Variants in TCAIM observed in about 807,000 individuals in gnomAD.
The protein encoded by TCAIM is T-cell activation inhibitor, mitochondrial.
Under a neutral mutation model 58.6 loss-of-function variants are expected in TCAIM, and 36 were observed. The ratio of observed to expected loss-of-function variants is 0.61; its 90% CI spans 0.47 to 0.81. The LOEUF (loss-of-function observed/expected upper bound fraction) is 0.81. TCAIM is among the 30% of genes least tolerant of loss of function. The pLI, the probability that TCAIM is intolerant of heterozygous loss-of-function variation, is 0.00. For missense variants in TCAIM, 466 were observed against 579.6 expected (o/e 0.80, Z 2.01); for synonymous variants, 172 against 193.6 (o/e 0.89, Z 0.93).
At chr3:44,366,609 C>T (rs1276523814) in intron 4 of TCAIM, among the ~76,000 whole-genome samples, 2 of 146,728 alleles carry the variant, frequency 1.4e-5, no homozygotes, top group East Asian at 2.1e-4. Flanking sequence ...TACAGGCGCC[C>T]GCCACCACGC....
chr3:44,354,120 A>AT (rs539967655), intron 1 of TCAIM, among the ~76,000 whole-genome samples: 38 of 152,102 alleles, frequency 2.5e-4, no homozygotes, highest in African/African-American at 8.7e-4. Context: ...GTCCAGGTTA[A>AT]TTTTTTCGCA....
intron 10 of TCAIM, among the ~76,000 whole-genome samples, chr3:44,406,978 A>G (rs770547220): frequency 3.0e-4 from 46 of 152,208 alleles, no homozygotes; most frequent in Non-Finnish European, 2.5e-4. Flanking sequence ...GTAGGAGAGT[A>G]AGAGTGAAGA....
chr3:44,396,904 G>GT, intron 8 of TCAIM, 70 bp downstream of exon 8: 1 of 1,424,120 alleles, frequency 7.0e-7, no homozygotes, highest in Non-Finnish European at 9.7e-7. Flanking sequence ...ATGCTGTAAT[G>GT]TTAAGGGACT....
At chr3:44,379,645 C>A in intron 5 of TCAIM, among the ~76,000 whole-genome samples, 1 of 152,226 alleles carries the variant, frequency 6.6e-6, no homozygotes, top group South Asian at 2.1e-4. Flanking sequence ...TACCACATGT[C>A]CTCACTTATA....
intron 1 of TCAIM, among the ~76,000 whole-genome samples, chr3:44,344,807 G>A (rs1189213437): frequency 6.6e-6 from 1 of 152,066 alleles, no homozygotes; most frequent in African/African-American, 2.4e-5. Flanking sequence ...GGTAGGTAGT[G>A]GGGAAGATTA....
intron 5 of TCAIM, among the ~76,000 whole-genome samples, chr3:44,381,484 A>C (rs1200598581): frequency 6.6e-6 from 1 of 152,194 alleles, no homozygotes; most frequent in Non-Finnish European, 1.5e-5. Flanking sequence ...AGGAAACTAC[A>C]TCAACATAAT....
intron 4 of TCAIM, among the ~76,000 whole-genome samples, chr3:44,364,980 C>T (rs1281667040): frequency 6.6e-6 from 1 of 152,086 alleles, no homozygotes; most frequent in Non-Finnish European, 1.5e-5. Context: ...CCTGAGGAAC[C>T]AGTAAAGGAT....
At chr3:44,403,974 G>A (rs766293055) in intron 10 of TCAIM, among the ~76,000 whole-genome samples, 11 of 152,110 alleles carry the variant, frequency 7.2e-5, no homozygotes, top group South Asian at 6.2e-4. Context: ...CCTCTGCCCA[G>A]TGCCCACAGA....
At chr3:44,341,653 AAT>A (rs777867719) in intron 1 of TCAIM, among the ~76,000 whole-genome samples, 9 of 152,198 alleles carry the variant, frequency 5.9e-5, no homozygotes, top group Non-Finnish European at 8.8e-5. Context: ...ATGTTTGAGC[AAT>A]ATGTTATCTG....
At chr3:44,398,689 A>G (rs142270722) in intron 8 of TCAIM, among the ~76,000 whole-genome samples, 29 of 152,338 alleles carry the variant, frequency 1.9e-4, no homozygotes, top group East Asian at 1.7e-3. Context: ...ACCCTTGGGT[A>G]TTTACAGCAG....
At chr3:44,374,175 C>T (rs1318911437) in intron 5 of TCAIM, among the ~76,000 whole-genome samples, 2 of 152,012 alleles carry the variant, frequency 1.3e-5, no homozygotes, top group Admixed American at 1.3e-4. Context: ...TCATATTGTG[C>T]GTTTATTTAC....
intron 1 of TCAIM, among the ~76,000 whole-genome samples, chr3:44,343,117 A>G (rs1163691586): frequency 6.6e-6 from 1 of 151,848 alleles, no homozygotes; most frequent in Non-Finnish European, 1.5e-5. Flanking sequence ...AGCGCAGGTG[A>G]CAGAGCGAGA....
At chr3:44,343,932 C>T (rs1189084301) in intron 1 of TCAIM, among the ~76,000 whole-genome samples, 2 of 151,312 alleles carry the variant, frequency 1.3e-5, no homozygotes, top group Admixed American at 1.3e-4. Context: ...GATTACAAAG[C>T]GATTAGTGGA....
At chr3:44,366,463 GTTTTTTT>G (rs11310204) in intron 4 of TCAIM, among the ~76,000 whole-genome samples, 3 of 83,036 alleles carry the variant, frequency 3.6e-5, no homozygotes, top group East Asian at 8.4e-4. Flanking sequence ...AATTTTTGTT[GTTTTTTT>G]TTTTTTTTTT....
At chr3:44,396,717 C>T (rs970835443) in intron 7 of TCAIM, 26 bp from the exon 8 acceptor site, 1 of 1,608,806 alleles carries the variant, frequency 6.2e-7, no homozygotes. Context: ...TCGACCATGA[C>T]CAAAGGTTTT....
intron 3 of TCAIM, chr3:44,358,712 A>C: frequency 1.0e-6 from 1 of 987,476 alleles, no homozygotes; most frequent in Non-Finnish European, 1.2e-6. Flanking sequence ...TCCCCTATGG[A>C]TACCAAGGGA....
chr3:44,358,660 G>A, intron 3 of TCAIM: 3 of 737,454 alleles, frequency 4.1e-6, no homozygotes, highest in Non-Finnish European at 5.0e-6. Flanking sequence ...AGAGACTTGA[G>A]CATTCGCAGA....
At chr3:44,376,214 A>G (rs1575260536) in intron 5 of TCAIM, among the ~76,000 whole-genome samples, 1 of 152,354 alleles carries the variant, frequency 6.6e-6, no homozygotes, top group East Asian at 1.9e-4. Context: ...AAGTGATGAA[A>G]GTATACTAAA....
intron 8 of TCAIM, among the ~76,000 whole-genome samples, chr3:44,398,804 A>G (rs1701979117): frequency 6.6e-6 from 1 of 152,298 alleles, no homozygotes; most frequent in South Asian, 2.1e-4. Context: ...AGCTAAACAA[A>G]CTGGTACATC....
Sources: allele counts gnomAD v4.1 joint callset (sites outside exome capture counted in the v4.1 genomes callset), GRCh38; gene constraint gnomAD v4.1.1; transcripts MANE v1.5; gene names NCBI Gene and HGNC (gene_info 2026-07-23, HGNC 2026-07-21).